The following ECE1 variants were observed in gnomAD, a reference collection of about 807,000 sequenced individuals.
ECE1 encodes endothelin-converting enzyme 1.
A neutral mutation model predicts 98.6 loss-of-function variants in ECE1; 35 were observed. That is an observed-to-expected ratio of 0.35 (90% confidence interval 0.27 to 0.47). The LOEUF is 0.47. Among genes scored for constraint, ECE1 ranks in the 20% least tolerant of loss-of-function variants. ECE1 has a pLI of 1.00. For missense variants in ECE1, 814 were observed against 1,025.3 expected, an observed-to-expected ratio of 0.79 and a Z score of 2.81; for synonymous variants, 394 against 407.1, an observed-to-expected ratio of 0.97 and a Z score of 0.39.
At chr1:21,236,920 C>T in intron 11 of ECE1, 76 bp from the exon 12 acceptor site, 4 of 1,303,236 alleles carry the variant, frequency 3.1e-6, no homozygotes, top group Non-Finnish European at 4.4e-6. Flanking sequence ...CCGTGCAGAA[C>T]AATGATGGCC....
intron 4 of ECE1, among the ~76,000 whole-genome samples, chr1:21,268,526 C>T (rs957395515): frequency 6.6e-6 from 1 of 152,242 alleles, no homozygotes; most frequent in Non-Finnish European, 1.5e-5. Flanking sequence ...ATGAATTCAC[C>T]TGGCAGAGAA....
intron 1 of ECE1, among the ~76,000 whole-genome samples, chr1:21,305,062 C>A (rs371655915): frequency 1.3e-5 from 2 of 152,276 alleles, no homozygotes; most frequent in Non-Finnish European, 2.9e-5. Context: ...AACATAGAAG[C>A]GCCATGAGCC....
intron 4 of ECE1, among the ~76,000 whole-genome samples, chr1:21,267,616 G>C (rs212542): frequency 0.17 from 25,616 of 152,118 alleles, 2,899 homozygotes; most frequent in East Asian, 0.45. Context: ...TGGGGACACA[G>C]CCAAACCATA....
chr1:21,218,718 C>G lies in ECE1; in HGVS notation c.*1237G>C, dbSNP rs1438439453. ...TCTCTTGCCTCAGCCTCCCGAGTAACTGGGATTACAGGTGCCCACCACCAC... is the reference window on the plus strand; with the variant it reads ...TCTCTTGCCTCAGCCTCCCGAGTAAGTGGGATTACAGGTGCCCACCACCAC... On this transcript the variant is annotated 3_prime_UTR_variant, in exon 19 of 19. Transcript: ENST00000374893. The surrounding 1 kb of genome is among the most constrained non-coding windows in gnomAD (Gnocchi z 4.0). The G allele has an allele frequency of 6.6e-6, 1 of 152,194 alleles. No homozygotes were observed. The highest frequency in any genetic ancestry group is 1.5e-5 in the Non-Finnish European group (1 of 68,058). The allele number at this position is 152,194 out of a possible 1,614,324, so 9.4% of individuals were successfully genotyped here. A position where few individuals can be genotyped will look rare whatever the true frequency, so the allele number is the denominator to read the frequency against.
chr1:21,263,098 CT>C (rs2098229190), intron 4 of ECE1, among the ~76,000 whole-genome samples: 1 of 152,172 alleles, frequency 6.6e-6, no homozygotes, highest in African/African-American at 2.4e-5. Context: ...CCCGGGGAAG[CT>C]TCGTTTGAGC....
At chr1:21,238,350 G>A in intron 10 of ECE1, 106 bp from the exon 11 acceptor site, 2 of 907,332 alleles carry the variant, frequency 2.2e-6, no homozygotes, top group Non-Finnish European at 3.5e-6. Flanking sequence ...TGTTCTGGAA[G>A]TTCAGGGAGA....
chr1:21,261,204 C>G lies in ECE1; in HGVS notation c.494-812G>C, dbSNP rs562959573. On this transcript the variant is annotated intron_variant, in intron 4 of 18. Transcript: ENST00000374893. ...GCCATGCCAGATACTCTAAACCCCT[C>G]AATTCCATCTGTCCCTCTTGCCTCC... 4.6e-5 allele frequency among the ~76,000 whole-genome samples: 7 copies of G among 152,344 alleles called. No individual in the cohort carries two copies. In the East Asian group the frequency reaches 1.4e-3, roughly 29 times the overall value.
chr1:21,310,417 G>C (rs1019791733), intron 1 of ECE1, among the ~76,000 whole-genome samples: 1 of 152,174 alleles, frequency 6.6e-6, no homozygotes, highest in Admixed American at 6.5e-5. Flanking sequence ...CCTGTTTCCT[G>C]TGCCCTCCCC....
In ECE1 at chr1:21,258,756, G is replaced by A; in HGVS notation, c.699C>T (p.Thr233=). The A allele has an allele frequency of 6.2e-7, 1 of 1,614,218 alleles. No homozygotes were observed. Among genetic ancestry groups the A allele is most frequent in the Non-Finnish European group, 8.5e-7 (1 of 1,180,030 alleles). Residue 233 remains threonine (T), a synonymous_variant, in exon 6 of 19, where the codon ACC becomes ACT. Coordinates refer to ENST00000374893, the MANE Select transcript of ECE1 (RefSeq NM_001397.3). The surrounding 1 kb of genome is among the most constrained non-coding windows in gnomAD (Gnocchi z 4.2). ...TGACATAGACAGAGAAGAAGGGTGAGGTGCGGTAGTGGGCGGTGACCACCT... is the reference window on the plus strand; with the variant it reads ...TGACATAGACAGAGAAGAAGGGTGAAGTGCGGTAGTGGGCGGTGACCACCT... ...TLQVVTAHYR[T]SPFFSVYVSA... is the part of the protein sequence containing the mutation.
rs1244699979 is a variant in ECE1, at chr1:21,258,237, T to G, written c.762+456A>C. The stretch of plus-strand genomic sequence containing the variant: ...TAGAGATGGGCTGGGAACTCAGCTT[T>G]TAGGACCCCCAGCCTGGGTTTCTCA... On this transcript the variant is annotated intron_variant, in intron 6 of 18. Coordinates refer to ENST00000374893, the MANE Select transcript of ECE1 (RefSeq NM_001397.3). The surrounding 1 kb of genome is among the most constrained non-coding windows in gnomAD (Gnocchi z 4.2). 1.3e-5 allele frequency among the ~76,000 whole-genome samples: 2 copies of G among 152,200 alleles called. No homozygotes were observed. Among genetic ancestry groups the G allele is most frequent in the Non-Finnish European group, 2.9e-5 (2 of 68,048 alleles).
rs938876307 is a variant in ECE1, at chr1:21,307,551, G to A, written c.4-17395C>T. ...AAACATGATCACTACAGTCATTGAT[G>A]TGAGGACGTCAGCAGCAGAGGGGCC... On this transcript the variant is annotated intron_variant, in intron 1 of 18. Coordinates refer to the ECE1 transcript ENST00000415912. The surrounding 1 kb of genome is among the most constrained non-coding windows in gnomAD (Gnocchi z 4.2). Among the ~76,000 whole-genome samples the A allele has an allele frequency of 3.3e-5, 5 of 152,218 alleles. No individual in the cohort carries two copies. The highest frequency in any genetic ancestry group is 4.8e-5 in the African/African-American group (2 of 41,456).
chr1:21,239,906 C>T (rs2098193839), intron 10 of ECE1, among the ~76,000 whole-genome samples: 1 of 151,998 alleles, frequency 6.6e-6, no homozygotes, highest in African/African-American at 2.4e-5. Flanking sequence ...TGTGGTGGCT[C>T]ATGCCTGTAA....
chr1:21,230,486 C>A (rs140314365), intron 14 of ECE1, among the ~76,000 whole-genome samples: 2,568 of 152,258 alleles, frequency 0.017, 71 homozygotes, highest in African/African-American at 0.058. Context: ...CTCCAGGGTT[C>A]AAGCAATTCT....
chr1:21,297,618 G>A (rs1220286090), intron 1 of ECE1, among the ~76,000 whole-genome samples: 2 of 141,728 alleles, frequency 1.4e-5, no homozygotes, highest in African/African-American at 5.3e-5. Flanking sequence ...TGTAACCTCT[G>A]CCTCCTGGGT....
chr1:21,338,160 G>T (rs896871577), intron 1 of ECE1, among the ~76,000 whole-genome samples: 1 of 152,172 alleles, frequency 6.6e-6, no homozygotes, highest in African/African-American at 2.4e-5. Flanking sequence ...CCAGGCAGCT[G>T]GGGGTGTGTG....
intron 4 of ECE1, among the ~76,000 whole-genome samples, chr1:21,264,160 T>C (rs1490374691): frequency 6.6e-6 from 1 of 152,168 alleles, no homozygotes; most frequent in African/African-American, 2.4e-5. Flanking sequence ...GGAGCTTCAG[T>C]GCACACAGCT....
chr1:21,290,600 C>T (rs2098265703), upstream of ECE1: 4 of 1,191,922 alleles, frequency 3.4e-6, no homozygotes, highest in Admixed American at 4.4e-5. This position sits in a 1 kb window ranked among gnomAD's most constrained non-coding sequence, Gnocchi z 7.3. Flanking sequence ...CTCCCTTCCC[C>T]GGAGGTCGGG....
chr1:21,222,838 T>A (rs2098169177), intron 17 of ECE1, among the ~76,000 whole-genome samples: 3 of 75,724 alleles, frequency 4.0e-5, no homozygotes, highest in South Asian at 5.1e-4. Context: ...TGAGACCCTG[T>A]CTCAAAAAAA....
Position 21,219,591 on chromosome 1 carries a change from C to T in ECE1, c.*364G>A, listed in dbSNP as rs957579491. ...TTCCCTGAAGATTTCCAGTGTATTC[C>T]ACAGTGTTTAAAAAATAGTTTCCCC... On this transcript the variant is annotated 3_prime_UTR_variant, in exon 19 of 19. Coordinates refer to ENST00000374893, the MANE Select transcript of ECE1 (RefSeq NM_001397.3). This position sits in a 1 kb window ranked among gnomAD's most constrained non-coding sequence, Gnocchi z 4.5. The T allele has an allele frequency of 3.4e-6, 1 of 291,346 alleles. No individual in the cohort carries two copies. The highest frequency in any genetic ancestry group is 6.7e-6 in the Non-Finnish European group (1 of 148,864). 18.0% of individuals were successfully genotyped at this position (291,346 alleles called of 1,614,324 possible).
Sources: allele counts gnomAD v4.1 joint callset (sites outside exome capture counted in the v4.1 genomes callset), GRCh38; gene constraint gnomAD v4.1.1; non-coding constraint Gnocchi (gnomAD v3.1); transcripts MANE v1.5; gene names NCBI Gene and HGNC (gene_info 2026-07-23, HGNC 2026-07-21).